NXPE2: variants seen among roughly 807,000 people sequenced by gnomAD.
The protein encoded by NXPE2 is neurexophilin and PC-esterase domain family member 2.
In NXPE2, 34 loss-of-function variants were observed where a neutral mutation model predicts 34.4. The ratio of observed to expected loss-of-function variants is 0.99; its 90% CI spans 0.75 to 1.31. The LOEUF (loss-of-function observed/expected upper bound fraction) is 1.31, where lower values mean the gene tolerates loss of function less well. Among genes scored for constraint, NXPE2 ranks in the 40% most tolerant of loss-of-function variants. The probability of loss-of-function intolerance (pLI) is 0.00; values close to 1 mark genes in which losing one functional copy is unlikely to be tolerated. For synonymous variants in NXPE2, 235 were observed against 231.3 expected (o/e 1.02, Z -0.15); for missense variants, 649 against 672.5 (o/e 0.97, Z 0.39).
chr11:114,526,808 T>C, the NXPE2 span: 1 of 152,196 alleles, frequency 6.6e-6, no homozygotes, highest in South Asian at 2.1e-4. Flanking sequence ...GTCCATGCAA[T>C]ATTTTCCCCT....
chr11:114,593,228 G>T, the NXPE2 span, among the ~76,000 whole-genome samples: 66 of 152,276 alleles, frequency 4.3e-4, no homozygotes, highest in African/African-American at 1.5e-3. Context: ...AATCAAGTGA[G>T]TGAAGAGTTA....
At chr11:114,707,431 G>A (rs1187002307), downstream of NXPE2, 2 of 426,596 alleles carry the variant, frequency 4.7e-6, no homozygotes, top group Non-Finnish European at 9.4e-6. Context: ...GTCTCACTCT[G>A]TCACCAAGAC....
At chr11:114,550,749 G>A in the NXPE2 span, among the ~76,000 whole-genome samples, 1 of 152,122 alleles carries the variant, frequency 6.6e-6, no homozygotes, top group Non-Finnish European at 1.5e-5. Flanking sequence ...CATGGAAAAG[G>A]AAATCATAGA....
chr11:114,715,052 GGTT>G, the NXPE2 span, among the ~76,000 whole-genome samples: 178 of 152,226 alleles, frequency 1.2e-3, no homozygotes, highest in African/African-American at 4.2e-3. Context: ...GGAAGACTCT[GGTT>G]GTCCCAGTTT....
At chr11:114,519,676 A>G in the NXPE2 span, among the ~76,000 whole-genome samples, 1 of 152,152 alleles carries the variant, frequency 6.6e-6, no homozygotes, top group Non-Finnish European at 1.5e-5. Context: ...CAGAAGGAGC[A>G]GCGTGTAGAG....
the NXPE2 span, among the ~76,000 whole-genome samples, chr11:114,743,885 G>T: frequency 6.7e-6 from 1 of 149,350 alleles, no homozygotes; most frequent in Non-Finnish European, 1.5e-5. Flanking sequence ...GTGTACATGT[G>T]TATATATACA....
At chr11:114,558,208 G>A in the NXPE2 span, among the ~76,000 whole-genome samples, 1 of 151,962 alleles carries the variant, frequency 6.6e-6, no homozygotes, top group Non-Finnish European at 1.5e-5. Context: ...GTGTTTATGT[G>A]TGTGTGTATA....
chr11:114,754,458 G>A, the NXPE2 span, among the ~76,000 whole-genome samples: 1 of 152,158 alleles, frequency 6.6e-6, no homozygotes, highest in Non-Finnish European at 1.5e-5. Flanking sequence ...CTAGACATCT[G>A]CTCGCTTGAA....
chr11:114,669,587 C>G, the NXPE2 span, among the ~76,000 whole-genome samples: 150,450 of 152,160 alleles, frequency 0.99, 74,402 homozygotes, highest in Middle Eastern at 1. Context: ...CTGAGAATAC[C>G]AAGCTCCAAT....
the NXPE2 span, among the ~76,000 whole-genome samples, chr11:114,644,580 T>C: frequency 1.3e-5 from 2 of 152,156 alleles, no homozygotes; most frequent in Non-Finnish European, 2.9e-5. Context: ...TAAAATAAGA[T>C]ATAAAATATT....
chr11:114,582,685 G>A, the NXPE2 span: 3 of 1,614,120 alleles, frequency 1.9e-6, no homozygotes, highest in Non-Finnish European at 2.5e-6. Flanking sequence ...ATCAGCGCTG[G>A]GGAAGACATC....
chr11:114,684,304 G>A (rs546942235), intron 2 of NXPE2, among the ~76,000 whole-genome samples: 7 of 152,106 alleles, frequency 4.6e-5, no homozygotes, highest in South Asian at 2.1e-4. Flanking sequence ...GTGGGCGCCT[G>A]TAGTCCCAGC....
At chr11:114,529,889 G>A in the NXPE2 span, 3 of 337,502 alleles carry the variant, frequency 8.9e-6, no homozygotes, top group African/African-American at 6.3e-5. Context: ...GGAGGTGAAG[G>A]AGCATGGATG....
the NXPE2 span, chr11:114,530,291 T>C: frequency 3.1e-6 from 5 of 1,614,242 alleles, no homozygotes; most frequent in South Asian, 5.5e-5. Context: ...AGAAGGCTTC[T>C]TGGTCTCTGT....
upstream of NXPE2, among the ~76,000 whole-genome samples, chr11:114,676,620 G>A (rs1040312328): frequency 2.0e-5 from 3 of 151,956 alleles, no homozygotes; most frequent in Admixed American, 6.6e-5. Flanking sequence ...GTGATGGTGA[G>A]GAGAGGGAGA....
At chr11:114,760,656 A>G in the NXPE2 span, among the ~76,000 whole-genome samples, 1 of 152,192 alleles carries the variant, frequency 6.6e-6, no homozygotes, top group African/African-American at 2.4e-5. Context: ...CCAACAAAGG[A>G]TTCTTGGCAC....
At chr11:114,582,533 C>T in the NXPE2 span, 1 of 1,614,118 alleles carries the variant, frequency 6.2e-7, no homozygotes, top group Non-Finnish European at 8.5e-7. Flanking sequence ...AGCCTTGGTT[C>T]CTTGCACTCC....
At chr11:114,621,849 C>T in the NXPE2 span, among the ~76,000 whole-genome samples, 1 of 151,858 alleles carries the variant, frequency 6.6e-6, no homozygotes, top group Non-Finnish European at 1.5e-5. Flanking sequence ...ATAAATATTG[C>T]CTCATGGGTA....
At chr11:114,551,603 C>T in the NXPE2 span, among the ~76,000 whole-genome samples, 5 of 152,138 alleles carry the variant, frequency 3.3e-5, no homozygotes, top group South Asian at 2.1e-4. Flanking sequence ...GGAATATGCT[C>T]GTATTACAAA....
Sources: gnomAD v4.1 joint callset for allele counts (sites outside exome capture counted in the v4.1 genomes callset) on GRCh38, gnomAD v4.1.1 for gene constraint, MANE v1.5 for transcripts, NCBI Gene and HGNC (gene_info 2026-07-23, HGNC 2026-07-21) for gene names.